WWOX: variants seen among roughly 807,000 people sequenced by gnomAD.
WWOX encodes the protein WW domain containing oxidoreductase.
A neutral mutation model predicts 46.2 loss-of-function variants in WWOX; 69 were observed. The ratio of observed to expected loss-of-function variants is 1.49; its 90% CI spans 1.23 to 1.82. The LOEUF (loss-of-function observed/expected upper bound fraction) is 1.82, where lower values mean the gene tolerates loss of function less well. Among genes scored for constraint, WWOX ranks in the 40% most tolerant of loss-of-function variants. WWOX has a pLI of 0.00. For missense variants in WWOX, 919 were observed against 542.6 expected, an observed-to-expected ratio of 1.69 and a Z score of -6.89; for synonymous variants, 359 against 202.6, an observed-to-expected ratio of 1.77 and a Z score of -6.56.
chr16:78,355,634 C>A, intron 5 of WWOX: 1 of 607,884 alleles, frequency 1.6e-6, no homozygotes, highest in Non-Finnish European at 3.1e-6. Context: ...GAGAAACGAC[C>A]GAGAGCTTCG....
intron 8 of WWOX, among the ~76,000 whole-genome samples, chr16:78,595,374 C>G (rs1260181774): frequency 7.1e-6 from 1 of 141,752 alleles, no homozygotes; most frequent in East Asian, 2.1e-4. Context: ...TGCTTCAACC[C>G]TCCCCGCTGA....
At chr16:78,343,001 C>G (rs1244984087) in intron 5 of WWOX, among the ~76,000 whole-genome samples, 2 of 121,518 alleles carry the variant, frequency 1.6e-5, no homozygotes, top group East Asian at 3.9e-4. Flanking sequence ...AAAAAAACTG[C>G]TCAGCACACC....
intron 8 of WWOX, among the ~76,000 whole-genome samples, chr16:78,798,409 A>G (rs971723566): frequency 3.3e-5 from 5 of 152,108 alleles, no homozygotes; most frequent in Admixed American, 1.3e-4. Flanking sequence ...CAAATGAAAA[A>G]ACTGGTGCGA....
chr16:79,193,777 C>G (rs946400804), intron 8 of WWOX, among the ~76,000 whole-genome samples: 1 of 152,172 alleles, frequency 6.6e-6, no homozygotes, highest in Non-Finnish European at 1.5e-5. Flanking sequence ...AGCCCAGCTC[C>G]TCACAAAGGG....
intron 6 of WWOX, among the ~76,000 whole-genome samples, chr16:78,422,228 A>T (rs1032221035): frequency 5.3e-5 from 8 of 152,136 alleles, no homozygotes; most frequent in African/African-American, 1.9e-4. Context: ...TATATTCGTC[A>T]CTTTTGTTCC....
At chr16:79,013,854 C>G (rs1015256913) in intron 8 of WWOX, among the ~76,000 whole-genome samples, 17 of 152,312 alleles carry the variant, frequency 1.1e-4, no homozygotes, top group Admixed American at 1.1e-3. Flanking sequence ...CATTCTCGCT[C>G]TGCCGCCCTC....
intron 4 of WWOX, 83 bp downstream of exon 4, chr16:78,115,237 G>A: frequency 1.3e-6 from 2 of 1,517,444 alleles, no homozygotes; most frequent in Non-Finnish European, 1.8e-6. Context: ...ATTTTGTTTA[G>A]TGGTTCTCTG....
chr16:78,337,470 C>T (rs548836426), intron 5 of WWOX, among the ~76,000 whole-genome samples: 2 of 152,074 alleles, frequency 1.3e-5, no homozygotes, highest in Non-Finnish European at 2.9e-5. Context: ...AATTAATAAA[C>T]CAATATCGAT....
intron 8 of WWOX, among the ~76,000 whole-genome samples, chr16:78,643,877 T>A (rs1336602094): frequency 6.7e-6 from 1 of 150,068 alleles, no homozygotes; most frequent in Non-Finnish European, 1.5e-5. Flanking sequence ...CCATAATTAG[T>A]AACCTGCAGC....
Position 78,851,178 on chromosome 16 carries a change from T to C in WWOX, c.1057-360430T>C, listed in dbSNP as rs144598832. On this transcript the variant is annotated intron_variant, in intron 8 of 8. Transcript: ENST00000566780. Reference sequence around the variant, plus strand: ...AACTTGCTCATTCAGAAATTAGACTTTGTGAGCCCACTAAGAGTAGGTCTT... The same window carrying C: ...AACTTGCTCATTCAGAAATTAGACTCTGTGAGCCCACTAAGAGTAGGTCTT... Among the ~76,000 whole-genome samples the C allele has an allele frequency of 4.7e-4, 72 of 152,328 alleles. No homozygotes were observed. The East Asian group carries it at 0.011, about 23-fold the overall frequency.
chr16:78,179,072 G>A (rs115149246), intron 5 of WWOX, among the ~76,000 whole-genome samples: 129 of 152,196 alleles, frequency 8.5e-4, no homozygotes, highest in African/African-American at 3.0e-3. Context: ...ACCATTTGTG[G>A]CATCCTCAAA....
At chr16:78,519,490 A>AAT (rs375221050) in intron 8 of WWOX, among the ~76,000 whole-genome samples, 2,880 of 149,444 alleles carry the variant, frequency 0.019, 35 homozygotes, top group Non-Finnish European at 0.029. Context: ...ACATCTATGA[A>AAT]ATATATATAT....
chr16:78,808,964 T>C (rs377744173), intron 8 of WWOX, among the ~76,000 whole-genome samples: 11 of 152,104 alleles, frequency 7.2e-5, no homozygotes, highest in Non-Finnish European at 1.5e-4. Flanking sequence ...TTGATCTAAA[T>C]GTACTTAGGA....
At chr16:78,188,873 C>T (rs2035792685) in intron 5 of WWOX, among the ~76,000 whole-genome samples, 1 of 152,116 alleles carries the variant, frequency 6.6e-6, no homozygotes, top group Non-Finnish European at 1.5e-5. Context: ...TGTTTTAATT[C>T]TGCATTTGAC....
intron 4 of WWOX, among the ~76,000 whole-genome samples, chr16:78,134,375 A>G (rs754796638): frequency 6.6e-6 from 1 of 152,078 alleles, no homozygotes; most frequent in Non-Finnish European, 1.5e-5. Context: ...AATACTTCGC[A>G]ATGCCTGCTG....
At chr16:78,168,786 A>G (rs1028319939) in intron 5 of WWOX, among the ~76,000 whole-genome samples, 20 of 152,198 alleles carry the variant, frequency 1.3e-4, no homozygotes, top group African/African-American at 4.8e-4. Context: ...GGGAAGAAGG[A>G]GCTATTTAAT....
At chr16:78,381,332 A>G (rs950511012) in intron 5 of WWOX, among the ~76,000 whole-genome samples, 1 of 152,192 alleles carries the variant, frequency 6.6e-6, no homozygotes, top group African/African-American at 2.4e-5. Flanking sequence ...AGTATATATA[A>G]AGAATAGATG....
At chr16:78,448,805 C>G (rs2083620160) in intron 8 of WWOX, among the ~76,000 whole-genome samples, 1 of 152,122 alleles carries the variant, frequency 6.6e-6, no homozygotes, top group Admixed American at 6.5e-5. Context: ...TCCTTTTTAT[C>G]CTTTTATGGC....
chr16:78,603,643 A>T (rs1387676683), intron 8 of WWOX, among the ~76,000 whole-genome samples: 1 of 152,054 alleles, frequency 6.6e-6, no homozygotes, highest in African/African-American at 2.4e-5. Flanking sequence ...GCAGTGAACT[A>T]AGATTGTGCC....
Sources: allele counts gnomAD v4.1 joint callset (sites outside exome capture counted in the v4.1 genomes callset), GRCh38; gene constraint gnomAD v4.1.1; transcripts MANE v1.5; gene names NCBI Gene and HGNC (gene_info 2026-07-23, HGNC 2026-07-21).